The following APBA1 variants were observed in gnomAD, a reference collection of about 807,000 sequenced individuals.
APBA1 encodes amyloid-beta A4 precursor protein-binding family A member 1.
A neutral mutation model predicts 86.6 loss-of-function variants in APBA1; 55 were observed. The observed-to-expected ratio is 0.64, with a 90% CI of 0.51 to 0.80. APBA1 has a LOEUF of 0.80. Among genes scored for constraint, APBA1 ranks in the 30% least tolerant of loss-of-function variants. The pLI, the probability that APBA1 is intolerant of heterozygous loss-of-function variation, is 0.00. For missense variants in APBA1, 1,090 were observed against 1,183.0 expected (o/e 0.92, Z 1.15); for synonymous variants, 511 against 493.9 (o/e 1.03, Z -0.46).
Position 69,446,149 on chromosome 9 carries a change from A to G in APBA1, c.2181+3435T>C, listed in dbSNP as rs560803578. 3.9e-5 allele frequency among the ~76,000 whole-genome samples: 6 copies of G among 152,302 alleles called. No individual in the cohort carries two copies. In the South Asian group the frequency reaches 1.2e-3, roughly 32 times the overall value. On this transcript the variant is annotated intron_variant, in intron 10 of 12. Coordinates refer to ENST00000265381, the MANE Select transcript of APBA1 (RefSeq NM_001163.4). ...TGTGCACATCTGTCCAGGTGCAGGC[A>G]AAAAGGGGTGTGTTTTCTAGAGAAT...
intron 1 of APBA1, among the ~76,000 whole-genome samples, chr9:69,585,680 T>C (rs2133960362): frequency 6.6e-6 from 1 of 152,298 alleles, no homozygotes; most frequent in Admixed American, 6.5e-5. Context: ...CCTTGACTGT[T>C]TCTGATCTGT....
intron 2 of APBA1, among the ~76,000 whole-genome samples, chr9:69,492,904 C>T (rs373855037): frequency 2.8e-4 from 42 of 152,046 alleles, no homozygotes; most frequent in African/African-American, 8.9e-4. Context: ...GGCAGGAGAA[C>T]ATAATTCTTT....
intron 11 of APBA1, among the ~76,000 whole-genome samples, chr9:69,436,405 C>G: frequency 6.6e-6 from 1 of 151,860 alleles, no homozygotes; most frequent in East Asian, 1.9e-4. Flanking sequence ...TTCTTCCTAC[C>G]CATGAGCATG....
chr9:69,513,254 A>G (rs1168677508), intron 2 of APBA1, among the ~76,000 whole-genome samples: 2 of 152,176 alleles, frequency 1.3e-5, no homozygotes, highest in Non-Finnish European at 2.9e-5. Context: ...CAAGAGAATT[A>G]AGTTGTTCTC....
At chr9:69,648,390 T>TG (rs1823431480) in intron 1 of APBA1, among the ~76,000 whole-genome samples, 1 of 152,202 alleles carries the variant, frequency 6.6e-6, no homozygotes, top group South Asian at 2.1e-4. Flanking sequence ...AATCAGGAGT[T>TG]GATCCCATAA....
rs1415800021 is a variant in APBA1 at position 69,436,784 on chromosome 9, T to A, written c.2302-4108A>T. Among the ~76,000 whole-genome samples, 4 of 152,268 alleles carry A rather than the reference T, an allele frequency of 2.6e-5. No individual in the cohort carries two copies. The South Asian group carries it at 8.3e-4, about 32-fold the overall frequency. On this transcript the variant is annotated intron_variant, in intron 11 of 12. Transcript: ENST00000265381. ...CCCTTTATTTCCTTCTCCTGCCTAA[T>A]TGCCCTGGCCAGAACTTCCAAAACT...
chr9:69,471,732 G>A (rs904265301), intron 3 of APBA1, 37 bp from the exon 4 acceptor site: 1 of 1,566,636 alleles, frequency 6.4e-7, no homozygotes, highest in Non-Finnish European at 8.8e-7. Context: ...AAAGAGCAAA[G>A]CATAATGAAA....
Position 69,658,346 on chromosome 9 carries a change from C to CTTTCT in APBA1, c.-70+13802_-70+13806dup, listed in dbSNP as rs1554709973. Among the ~76,000 whole-genome samples, 893 of 139,772 alleles carry CTTTCT rather than the reference C, an allele frequency of 6.4e-3. 13 individuals are homozygous for CTTTCT. Among genetic ancestry groups the CTTTCT allele is most frequent in the Non-Finnish European group, 0.011 (679 of 64,424 alleles). 91.7% of individuals were successfully genotyped at this position (139,772 alleles called of 152,430 possible). A position where few individuals can be genotyped will look rare whatever the true frequency, so the allele number is the denominator to read the frequency against. On this transcript the variant is annotated intron_variant, in intron 1 of 12. Transcript: ENST00000265381. ...TCTTTCTTTCTTTCTTTCTTTCTTT[C>CTTTCT]TTTCTTTCTTTCTGTGTTTCTCTGT...
At chr9:69,623,058 C>G (rs943010834) in intron 1 of APBA1, among the ~76,000 whole-genome samples, 4 of 152,166 alleles carry the variant, frequency 2.6e-5, no homozygotes, top group Admixed American at 2.6e-4. Flanking sequence ...CTAGAAAGAT[C>G]TGACATGATC....
At chr9:69,455,591 G>C (rs1158296855) in intron 8 of APBA1, among the ~76,000 whole-genome samples, 1 of 152,172 alleles carries the variant, frequency 6.6e-6, no homozygotes, top group Non-Finnish European at 1.5e-5. Flanking sequence ...CCAGGAAAAG[G>C]AGCTGGTTTT....
At chr9:69,434,184 C>T (rs1300989920) in intron 11 of APBA1, among the ~76,000 whole-genome samples, 1 of 152,214 alleles carries the variant, frequency 6.6e-6, no homozygotes, top group Non-Finnish European at 1.5e-5. Context: ...GTCAGCTGCT[C>T]TGCGGGACTC....
Position 69,516,131 on chromosome 9 carries a change from CACCTCCTCGATG to C in APBA1, c.1068_1079del (p.Ile357_Val360del). The stretch of plus-strand genomic sequence containing the variant: ...AAGGCGAACGGATGGTCCTGGTTTT[CACCTCCTCGATG>C]GCCTCCTTGATGTCCTTGATGGCCA... On this transcript the variant is annotated inframe_deletion, in exon 2 of 13. Coordinates refer to ENST00000265381, the MANE Select transcript of APBA1 (RefSeq NM_001163.4). This position sits in a 1 kb window ranked among gnomAD's most constrained non-coding sequence, Gnocchi z 7.3. The C allele has an allele frequency of 6.2e-7, 1 of 1,613,638 alleles. No individual in the cohort carries two copies. The highest frequency in any genetic ancestry group is 8.5e-7 in the Non-Finnish European group (1 of 1,179,768).
In APBA1 at chr9:69,550,828, TG is replaced by T. The variant is rs202046145; in HGVS notation, c.-69-33550del. Among the ~76,000 whole-genome samples, 752 of 152,202 alleles carry T rather than the reference TG, an allele frequency of 4.9e-3. 6 individuals are homozygous for T. The highest frequency in any genetic ancestry group is 0.017 in the African/African-American group (725 of 41,522). On this transcript the variant is annotated intron_variant, in intron 1 of 12. Transcript: ENST00000265381. ...AACAGCAAGTTCTAAAGTCCTGAGG[TG>T]GGAGCAAAGAGGAGCATCATACAGT...
chr9:69,530,306 G>GTATATATATATATATATA (rs370549415), intron 1 of APBA1, among the ~76,000 whole-genome samples: 4 of 116,150 alleles, frequency 3.4e-5, no homozygotes, highest in Non-Finnish European at 5.2e-5. Context: ...TTGTGTGTGT[G>GTATATATATATATATATA]TATATATATA....
At chr9:69,434,291 A>G (rs1229799706) in intron 11 of APBA1, among the ~76,000 whole-genome samples, 3 of 152,062 alleles carry the variant, frequency 2.0e-5, no homozygotes, top group African/African-American at 7.2e-5. Context: ...CCTGCATGTC[A>G]CAGAAACACT....
chr9:69,432,246 G>T (rs1350000213), intron 12 of APBA1, among the ~76,000 whole-genome samples: 1 of 152,204 alleles, frequency 6.6e-6, no homozygotes, highest in Non-Finnish European at 1.5e-5. Flanking sequence ...AACTTAGGCG[G>T]CCATACAGAA....
At chr9:69,623,921 C>A (rs759042972) in intron 1 of APBA1, among the ~76,000 whole-genome samples, 1 of 152,158 alleles carries the variant, frequency 6.6e-6, no homozygotes, top group Non-Finnish European at 1.5e-5. Flanking sequence ...TGCTGTAATA[C>A]CTCTCTGACA....
chr9:69,531,098 A>G (rs1836426322), intron 1 of APBA1, among the ~76,000 whole-genome samples: 1 of 152,318 alleles, frequency 6.6e-6, no homozygotes, highest in Middle Eastern at 3.4e-3. Flanking sequence ...GAGAAAGTCT[A>G]CATTCTTTTC....
At chr9:69,485,522 CTCTG>C (rs1278374937) in intron 2 of APBA1, among the ~76,000 whole-genome samples, 2 of 151,944 alleles carry the variant, frequency 1.3e-5, no homozygotes, top group Non-Finnish European at 2.9e-5. Flanking sequence ...TCACATATAT[CTCTG>C]TCTGGAGACT....
Sources: gnomAD v4.1 joint callset for allele counts (sites outside exome capture counted in the v4.1 genomes callset) on GRCh38, gnomAD v4.1.1 for gene constraint, Gnocchi (gnomAD v3.1) non-coding constraint, MANE v1.5 for transcripts, NCBI Gene and HGNC (gene_info 2026-07-23, HGNC 2026-07-21) for gene names.